Variants in GOLGA4 observed in about 807,000 individuals in gnomAD.
GOLGA4 encodes golgin subfamily A member 4.
Under a neutral mutation model 265.9 loss-of-function variants are expected in GOLGA4, and 169 were observed. The observed-to-expected ratio is 0.64, with a 90% CI of 0.56 to 0.72. The LOEUF (loss-of-function observed/expected upper bound fraction) is 0.72, where lower values mean the gene tolerates loss of function less well. GOLGA4 is among the 30% of genes least tolerant of loss of function. The pLI is 0.00. For missense variants in GOLGA4, 2,482 were observed against 2,483.4 expected, an observed-to-expected ratio of 1.00 and a Z score of 0.01; for synonymous variants, 923 against 855.8, an observed-to-expected ratio of 1.08 and a Z score of -1.37.
intron 18 of GOLGA4, among the ~76,000 whole-genome samples, chr3:37,337,464 G>C (rs933530199): frequency 6.6e-6 from 1 of 152,066 alleles, no homozygotes; most frequent in Non-Finnish European, 1.5e-5. Flanking sequence ...CCCTGCCTCG[G>C]CTTTCCAAAG....
chr3:37,274,832 C>T (rs1439744642), intron 2 of GOLGA4, among the ~76,000 whole-genome samples: 1 of 151,938 alleles, frequency 6.6e-6, no homozygotes, highest in Non-Finnish European at 1.5e-5. Flanking sequence ...TTCTGTGAAC[C>T]CAGGGCATGA....
chr3:37,283,728 T>C (rs2150777427), intron 3 of GOLGA4, among the ~76,000 whole-genome samples: 1 of 152,238 alleles, frequency 6.6e-6, no homozygotes, highest in Admixed American at 6.5e-5. Flanking sequence ...GGTTTTGCTA[T>C]GTTGCCCAGC....
intron 2 of GOLGA4, among the ~76,000 whole-genome samples, chr3:37,271,172 C>T (rs1015509412): frequency 3.3e-5 from 5 of 152,046 alleles, no homozygotes; most frequent in African/African-American, 1.2e-4. Flanking sequence ...ACCCACCGCT[C>T]TCCTGCTGTG....
chr3:37,337,870 G>T, intron 19 of GOLGA4, 136 bp downstream of exon 19: 2 of 591,452 alleles, frequency 3.4e-6, no homozygotes, highest in East Asian at 2.8e-5. Flanking sequence ...CAAATCCAAA[G>T]GTACTAGAGG....
intron 2 of GOLGA4, among the ~76,000 whole-genome samples, chr3:37,255,353 G>C (rs2096745614): frequency 1.3e-5 from 2 of 151,994 alleles, no homozygotes; most frequent in East Asian, 3.9e-4. Context: ...AGTAGAGACA[G>C]AGTTTCACCA....
At chr3:37,261,960 T>C (rs2096770884) in intron 2 of GOLGA4, among the ~76,000 whole-genome samples, 1 of 152,124 alleles carries the variant, frequency 6.6e-6, no homozygotes, top group Non-Finnish European at 1.5e-5. Flanking sequence ...AGATAATACC[T>C]TTTTCAAGAT....
intron 23 of GOLGA4, among the ~76,000 whole-genome samples, chr3:37,362,780 C>CCTTTTTTTTTT (rs1375290747): frequency 1.2e-4 from 9 of 75,460 alleles, no homozygotes; most frequent in South Asian, 3.6e-4. Context: ...AGCCTCTAAG[C>CCTTTTTTTTTT]TTTTTTTTTT....
At position 37,285,527 on chromosome 3, in the gene GOLGA4, A is replaced by G. The variant is rs1263717782; in HGVS notation, c.478-487A>G. Among the ~76,000 whole-genome samples, 4 of 152,240 alleles carry G rather than the reference A, an allele frequency of 2.6e-5. No individual in the cohort carries two copies. The East Asian group carries it at 7.7e-4, about 29-fold the overall frequency. On this transcript the variant is annotated intron_variant, in intron 3 of 23. Coordinates refer to ENST00000361924, the MANE Select transcript of GOLGA4 (RefSeq NM_002078.5). ...AACCAGAAGGAACTTTTAGAAATCA[A>G]TTACATGATCTCTTATAGTCCAAAG...
intron 6 of GOLGA4, 27 bp downstream of exon 6, chr3:37,295,104 A>C: frequency 1.5e-6 from 2 of 1,311,090 alleles, no homozygotes; most frequent in African/African-American, 3.0e-5. Flanking sequence ...AAAAGTGTGG[A>C]ATTTTTTGGA....
intron 21 of GOLGA4, among the ~76,000 whole-genome samples, chr3:37,354,626 G>T (rs1317460031): frequency 6.6e-6 from 1 of 152,038 alleles, no homozygotes; most frequent in Non-Finnish European, 1.5e-5. Flanking sequence ...TGTGCTGCAT[G>T]TCTTGAAAAA....
chr3:37,256,630 C>G (rs929383793), intron 2 of GOLGA4, among the ~76,000 whole-genome samples: 1 of 152,182 alleles, frequency 6.6e-6, no homozygotes, highest in African/African-American at 2.4e-5. Context: ...GATCATAGCA[C>G]TCTCTCCTGG....
intron 10 of GOLGA4, among the ~76,000 whole-genome samples, chr3:37,311,215 A>G (rs555373074): frequency 6.6e-6 from 1 of 152,258 alleles, no homozygotes; most frequent in South Asian, 2.1e-4. Flanking sequence ...TTTGTGATAC[A>G]GTGTAGAATC....
chr3:37,246,721 C>T (rs1201128591), intron 1 of GOLGA4, among the ~76,000 whole-genome samples: 1 of 152,158 alleles, frequency 6.6e-6, no homozygotes, highest in Non-Finnish European at 1.5e-5. Flanking sequence ...GAATGTAGTT[C>T]ATGCCACTGA....
chr3:37,280,867 TCTC>T (rs2096832926), intron 2 of GOLGA4, among the ~76,000 whole-genome samples: 1 of 152,060 alleles, frequency 6.6e-6, no homozygotes, highest in Admixed American at 6.6e-5. Context: ...GGACATATTA[TCTC>T]CTCTTACTCC....
Position 37,243,525 on chromosome 3 carries a change from A to T in GOLGA4, c.-26A>T. On this transcript the variant is annotated 5_prime_UTR_variant, in exon 1 of 24. Transcript: ENST00000361924. ...CTCTCGCCCTTCAGGTTTCGTTGAC[A>T]CTCAGGACCGTACGTACGCTGCGCC... 2 of 1,610,962 alleles carry T rather than the reference A, an allele frequency of 1.2e-6. No individual in the cohort carries two copies. The highest frequency in any genetic ancestry group is 8.5e-7 in the Non-Finnish European group (1 of 1,177,204).
chr3:37,325,560 A>T lies in GOLGA4; in HGVS notation c.3674A>T (p.Glu1225Val). The T allele has an allele frequency of 6.2e-7, 1 of 1,613,576 alleles. No individual in the cohort carries two copies. Among genetic ancestry groups the T allele is most frequent in the Non-Finnish European group, 8.5e-7 (1 of 1,179,670 alleles). Residue 1225 changes from glutamate (E) to valine (V), a missense_variant, in exon 14 of 24, where the codon GAA becomes GTA. This residue lies in a region of GOLGA4 where 1,536 missense variants were observed against 1,483.7 expected (regional missense o/e 1.04). Transcript: ENST00000361924. ...CTAGATATTTGCTGTAAGAAAACCGAAGCCTTATTAGAAGCTAAAACAAAT... is the reference window on the plus strand; with the variant it reads ...CTAGATATTTGCTGTAAGAAAACCGTAGCCTTATTAGAAGCTAAAACAAAT... ...IQLDICCKKTEALLEAKTNEL... is the reference protein window; with the variant it reads ...IQLDICCKKTVALLEAKTNEL...
intron 5 of GOLGA4, among the ~76,000 whole-genome samples, chr3:37,293,528 A>G (rs1031416489): frequency 3.3e-5 from 5 of 152,226 alleles, no homozygotes; most frequent in Admixed American, 3.3e-4. Flanking sequence ...ATTAACAAAG[A>G]TAAGTAAAAT....
chr3:37,254,017 A>G (rs78536028), intron 2 of GOLGA4, among the ~76,000 whole-genome samples: 1 of 40,962 alleles, frequency 2.4e-5, no homozygotes, highest in East Asian at 3.0e-4. Context: ...CACAGTCTCA[A>G]AAAAAAAAAA....
chr3:37,355,291 T>A (rs2097087873), intron 22 of GOLGA4, 104 bp downstream of exon 22: 2 of 675,418 alleles, frequency 3.0e-6, no homozygotes, highest in East Asian at 5.5e-5. Flanking sequence ...TTTTAAGATT[T>A]CAAATCTTTA....
Sources: allele counts gnomAD v4.1 joint callset (sites outside exome capture counted in the v4.1 genomes callset), GRCh38; gene constraint gnomAD v4.1.1; regional missense constraint gnomAD v4.1.1; transcripts MANE v1.5; gene names NCBI Gene and HGNC (gene_info 2026-07-23, HGNC 2026-07-21).